The following LRP4 variants were observed in gnomAD, a reference collection of about 807,000 sequenced individuals.
LRP4 encodes the protein low-density lipoprotein receptor-related protein 4.
A neutral mutation model predicts 220.3 loss-of-function variants in LRP4; 95 were observed. The observed-to-expected ratio is 0.43, with a 90% CI of 0.37 to 0.51. The LOEUF is 0.51. Ranked by LOEUF, LRP4 falls within the 20% of genes least tolerant of loss-of-function variation. LRP4 has a pLI of 0.00. For synonymous variants in LRP4, 903 were observed against 954.6 expected (o/e 0.95, Z 1.00); for missense variants, 1,925 against 2,567.0 (o/e 0.75, Z 5.40).
chr11:46,917,624 C>G (rs374061301), intron 1 of LRP4, among the ~76,000 whole-genome samples: 3 of 152,280 alleles, frequency 2.0e-5, no homozygotes, highest in African/African-American at 7.2e-5. Context: ...TCTGCGGGAG[C>G]CTTCCAGCAG....
At chr11:46,880,907 CA>C (rs141612620) in intron 20 of LRP4, among the ~76,000 whole-genome samples, 14 of 146,994 alleles carry the variant, frequency 9.5e-5, no homozygotes, top group Non-Finnish European at 1.5e-4. Context: ...AAGTCTCTAC[CA>C]AAAAAAAAGA....
Position 46,901,802 on chromosome 11 carries a change from G to A in LRP4, c.199+981C>T, listed in dbSNP as rs113739783. Among the ~76,000 whole-genome samples the A allele has an allele frequency of 5.1e-3, 771 of 151,884 alleles. 10 individuals carry two copies. Among genetic ancestry groups the A allele is most frequent in the African/African-American group, 0.018 (737 of 41,416 alleles). ...ATCTGGAGTGCAGTGGCGCGATCTC[G>A]GCTCACTGCAAGCTCTGTCTCCCGG... On this transcript the variant is annotated intron_variant, in intron 2 of 37. Coordinates refer to ENST00000378623, the MANE Select transcript of LRP4 (RefSeq NM_002334.4).
chr11:46,910,290 G>C (rs1481153700), intron 1 of LRP4, among the ~76,000 whole-genome samples: 1 of 152,014 alleles, frequency 6.6e-6, no homozygotes, highest in Non-Finnish European at 1.5e-5. Context: ...TCTGACCCTG[G>C]GCAGCTATTT....
In LRP4 at chr11:46,918,290, G is replaced by A. The variant is rs541139144; in HGVS notation, c.52+38C>T. 6.0e-6 allele frequency: 9 copies of A among 1,507,840 alleles called. No individual in the cohort carries two copies. In the East Asian group the frequency reaches 1.0e-4, roughly 18 times the overall value. 93.4% of individuals were successfully genotyped at this position (1,507,840 alleles called of 1,614,324 possible). A position where few individuals can be genotyped will look rare whatever the true frequency, so the allele number is the denominator to read the frequency against. On this transcript the variant is annotated intron_variant, in intron 1 of 37. Transcript: ENST00000378623. The surrounding 1 kb of genome is among the most constrained non-coding windows in gnomAD (Gnocchi z 6.0). Reference sequence around the variant, plus strand: ...CCGGGAGGCGAGTCCTGCAGCGGCCGGACCCAGGGACAAACTTTCCCGGCG... The same window carrying A: ...CCGGGAGGCGAGTCCTGCAGCGGCCAGACCCAGGGACAAACTTTCCCGGCG...
At position 46,899,605 on chromosome 11, in the gene LRP4, C is replaced by T; in HGVS notation, c.431-102G>A. On this transcript the variant is annotated intron_variant, in intron 4 of 37. Transcript: ENST00000378623. This position sits in a 1 kb window ranked among gnomAD's most constrained non-coding sequence, Gnocchi z 5.9. ...CCTCACTGGCTTTGGCGGGTCTGAC[C>T]TAGCCCCCGAAAGGCACCCCAGAGT... The T allele has an allele frequency of 1.1e-6, 1 of 911,214 alleles. No individual in the cohort carries two copies. The highest frequency in any genetic ancestry group is 1.8e-6 in the Non-Finnish European group (1 of 555,112). 56.4% of individuals were successfully genotyped at this position (911,214 alleles called of 1,614,324 possible). A position where few individuals can be genotyped will look rare whatever the true frequency, so the allele number is the denominator to read the frequency against.
rs1484668550 is a variant in LRP4 at position 46,889,088 on chromosome 11, A to G, written c.2215+323T>C. Among the ~76,000 whole-genome samples, 3 of 152,204 alleles carry G rather than the reference A, an allele frequency of 2.0e-5. No individual in the cohort carries two copies. In the East Asian group the frequency reaches 5.8e-4, roughly 29 times the overall value. ...GCTAAAGGTAAAAAGGTAGGAAATC[A>G]TTCCCCTGTTTTCTAGAAGAGCATA... On this transcript the variant is annotated intron_variant, in intron 16 of 37. Coordinates refer to ENST00000378623, the MANE Select transcript of LRP4 (RefSeq NM_002334.4).
At chr11:46,896,181 G>C (rs1411844478) in intron 9 of LRP4, 29 bp downstream of exon 9, 1 of 1,612,738 alleles carries the variant, frequency 6.2e-7, no homozygotes, top group African/African-American at 1.3e-5. Context: ...ACAAACCATG[G>C]GCCAGGTCCG....
intron 37 of LRP4, chr11:46,860,962 GA>G: frequency 1.0e-6 from 1 of 985,238 alleles, no homozygotes; most frequent in Non-Finnish European, 1.2e-6. Flanking sequence ...GAGAAAAGGT[GA>G]AAGACTATCA....
intron 1 of LRP4, among the ~76,000 whole-genome samples, chr11:46,907,408 C>T (rs1288564809): frequency 1.3e-5 from 2 of 152,230 alleles, no homozygotes; most frequent in African/African-American, 4.8e-5. Context: ...CTCCCACTCC[C>T]GCCATCTTAC....
At chr11:46,907,531 G>T (rs1006068799) in intron 1 of LRP4, among the ~76,000 whole-genome samples, 3 of 152,164 alleles carry the variant, frequency 2.0e-5, no homozygotes, top group Non-Finnish European at 4.4e-5. Context: ...TAAAACATGA[G>T]ATTACTTGCG....
intron 1 of LRP4, among the ~76,000 whole-genome samples, chr11:46,913,832 C>T (rs2134889900): frequency 6.6e-6 from 1 of 152,232 alleles, no homozygotes; most frequent in South Asian, 2.1e-4. Flanking sequence ...GATGTTATAG[C>T]TTAGCAGACT....
In LRP4 at chr11:46,859,200, C is replaced by T. The variant is rs1269029549; in HGVS notation, c.5501G>A (p.Gly1834Glu). The T allele has an allele frequency of 6.2e-7, 1 of 1,614,164 alleles. No homozygotes were observed. ...GCATACATGATCCCGGAGGAGGCCC[C>T]CCCGTGAGCTTCGCAGTTGCTTGAG... ...DDLKQLRSSR[G>E]GLLRDHVCMK... The change falls in exon 38 of 38, where the codon GGG (glycine) becomes GAG (glutamate). Residue 1834 changes from glycine to glutamate, a missense_variant. By Grantham distance (98) the Gly-to-Glu change is moderately conservative (BLOSUM62 -2). This residue lies in a region of LRP4 where 1,244 missense variants were observed against 1,624.9 expected (regional missense o/e 0.77). Coordinates refer to ENST00000378623, the MANE Select transcript of LRP4 (RefSeq NM_002334.4).
rs1940924859 is a variant in LRP4, at chr11:46,873,478, G to A, written c.4345C>T (p.Arg1449Ter). 1.9e-6 allele frequency: 3 copies of A among 1,614,084 alleles called. No individual in the cohort carries two copies. The highest frequency in any genetic ancestry group is 2.5e-6 in the Non-Finnish European group (3 of 1,180,016). Residue 1449 changes from arginine to a stop codon, truncating the protein, a stop_gained, in exon 29 of 38, where the codon CGA becomes TGA. Transcript: ENST00000378623. LOFTEE classifies it high-confidence loss of function. This position sits in a 1 kb window ranked among gnomAD's most constrained non-coding sequence, Gnocchi z 4.2. ...ARNLYWTDTG[R>*]NTIEASRLDG... The stretch of plus-strand genomic sequence containing the variant: ...AGCCTGGACGCCTCAATGGTATTTC[G>A]ACCTGTGTCTGTCCAGTACAGGTTC...
intron 22 of LRP4, 81 bp from the exon 23 acceptor site, chr11:46,877,420 G>A (rs1405117851): frequency 7.1e-7 from 1 of 1,409,562 alleles, no homozygotes; most frequent in African/African-American, 1.4e-5. Context: ...TGAAACTCAT[G>A]CCCTGTCCCT....
chr11:46,899,502 G>A lies in LRP4; in HGVS notation c.432C>T (p.Asp144=), dbSNP rs1188669694. Residue 144 remains aspartate (D), a splice_region_variant and synonymous_variant, in exon 5 of 38, where the codon GAC becomes GAT. Transcript: ENST00000378623. This position sits in a 1 kb window ranked among gnomAD's most constrained non-coding sequence, Gnocchi z 5.9. ...ACTCCTTGTCGGAGCACTTGCGCAT[G>A]TCTGGGGGGATGCGATGGGACAGCA... is the stretch of plus-strand genomic sequence containing the variant. ...DCGDNSDEQC[D]MRKCSDKEFR... is the part of the protein sequence containing the mutation. The A allele has an allele frequency of 1.2e-6, 2 of 1,603,370 alleles. No homozygotes were observed. Among genetic ancestry groups the A allele is most frequent in the Non-Finnish European group, 1.7e-6 (2 of 1,170,856 alleles).
intron 1 of LRP4, among the ~76,000 whole-genome samples, chr11:46,910,185 G>C (rs1277018162): frequency 1.3e-5 from 2 of 152,128 alleles, no homozygotes; most frequent in Non-Finnish European, 2.9e-5. Context: ...TTAATGGTTA[G>C]CCTCCAAAGT....
At chr11:46,887,210 C>T (rs1173771860) in intron 16 of LRP4, among the ~76,000 whole-genome samples, 1 of 152,234 alleles carries the variant, frequency 6.6e-6, no homozygotes. Flanking sequence ...CTTCCCCATC[C>T]TCTGCCTTTC....
intron 28 of LRP4, 83 bp downstream of exon 28, chr11:46,874,717 C>A: frequency 8.4e-7 from 1 of 1,189,486 alleles, no homozygotes; most frequent in Non-Finnish European, 1.2e-6. Context: ...ATCACTCATC[C>A]ATTTAGTGGT....
At chr11:46,898,822 C>T in intron 6 of LRP4, 82 bp downstream of exon 6, 2 of 1,608,034 alleles carry the variant, frequency 1.2e-6, no homozygotes, top group Non-Finnish European at 1.7e-6. Context: ...GAACTCCTGC[C>T]CCAGCTGGCG....
Sources: gnomAD v4.1 joint callset for allele counts (sites outside exome capture counted in the v4.1 genomes callset) on GRCh38, gnomAD v4.1.1 for gene constraint, gnomAD v4.1.1 regional missense constraint, Gnocchi (gnomAD v3.1) non-coding constraint, MANE v1.5 for transcripts, NCBI Gene and HGNC (gene_info 2026-07-23, HGNC 2026-07-21) for gene names.